WWOX: variants seen among roughly 807,000 people sequenced by gnomAD.
WWOX encodes the protein WW domain containing oxidoreductase.
In WWOX, 69 loss-of-function variants were observed where a neutral mutation model predicts 46.2. The observed-to-expected ratio is 1.49, with a 90% confidence interval of 1.23 to 1.82. The LOEUF (loss-of-function observed/expected upper bound fraction) is 1.82, where lower values mean the gene tolerates loss of function less well. Among genes scored for constraint, WWOX ranks in the 40% most tolerant of loss-of-function variants. WWOX has a pLI of 0.00. For synonymous variants in WWOX, 359 were observed against 202.6 expected (o/e 1.77, Z -6.56); for missense variants, 919 against 542.6 (o/e 1.69, Z -6.89).
chr16:78,597,380 C>A (rs761396647), intron 8 of WWOX, among the ~76,000 whole-genome samples: 3 of 152,210 alleles, frequency 2.0e-5, no homozygotes, highest in Non-Finnish European at 4.4e-5. Context: ...TCTACGGTGG[C>A]TCTTTACCCA....
At chr16:78,502,267 A>G (rs1274277520) in intron 8 of WWOX, among the ~76,000 whole-genome samples, 1 of 152,214 alleles carries the variant, frequency 6.6e-6, no homozygotes, top group Non-Finnish European at 1.5e-5. Flanking sequence ...CAGAGTTTGC[A>G]TCCACCATCA....
intron 8 of WWOX, among the ~76,000 whole-genome samples, chr16:78,747,803 G>C (rs982823935): frequency 6.6e-6 from 1 of 152,160 alleles, no homozygotes; most frequent in African/African-American, 2.4e-5. Context: ...CAACATACCA[G>C]AGTTTAGTCC....
chr16:78,906,775 C>T (rs2044976301), intron 8 of WWOX, among the ~76,000 whole-genome samples: 1 of 152,188 alleles, frequency 6.6e-6, no homozygotes, highest in Admixed American at 6.5e-5. Flanking sequence ...GATCATGTGA[C>T]AAGGTCTTCT....
At chr16:79,088,235 G>T (rs1014324536) in intron 8 of WWOX, among the ~76,000 whole-genome samples, 1 of 152,166 alleles carries the variant, frequency 6.6e-6, no homozygotes, top group Non-Finnish European at 1.5e-5. Context: ...GCCTAGACTT[G>T]GATCCCTAAG....
At chr16:78,493,648 C>A (rs1318914519) in intron 8 of WWOX, among the ~76,000 whole-genome samples, 1 of 152,066 alleles carries the variant, frequency 6.6e-6, no homozygotes, top group Non-Finnish European at 1.5e-5. Context: ...ACTTGCTATG[C>A]ACTTATATGT....
At chr16:78,927,286 C>A (rs12918324) in intron 8 of WWOX, among the ~76,000 whole-genome samples, 1 of 152,116 alleles carries the variant, frequency 6.6e-6, no homozygotes, top group Non-Finnish European at 1.5e-5. Context: ...TGACACCGGC[C>A]TCCAGCAGAG....
intron 6 of WWOX, among the ~76,000 whole-genome samples, chr16:78,387,340 G>A (rs1419185070): frequency 2.0e-5 from 3 of 152,108 alleles, no homozygotes; most frequent in African/African-American, 4.8e-5. Context: ...TGGCAGGGAG[G>A]TTGACAATCC....
intron 8 of WWOX, among the ~76,000 whole-genome samples, chr16:78,856,871 C>T (rs2052579110): frequency 6.6e-6 from 1 of 152,168 alleles, no homozygotes; most frequent in Non-Finnish European, 1.5e-5. Flanking sequence ...GTGCCACCAT[C>T]ATAGAGTATA....
At chr16:78,462,299 G>T (rs1027893599) in intron 8 of WWOX, among the ~76,000 whole-genome samples, 1 of 151,494 alleles carries the variant, frequency 6.6e-6, no homozygotes, top group Non-Finnish European at 1.5e-5. Flanking sequence ...CAAAGTCTGT[G>T]ATTGATCTTT....
At chr16:78,591,397 G>T (rs2151602794) in intron 8 of WWOX, among the ~76,000 whole-genome samples, 1 of 152,238 alleles carries the variant, frequency 6.6e-6, no homozygotes, top group African/African-American at 2.4e-5. Flanking sequence ...TAACAGCCCA[G>T]TACACAACTG....
At chr16:78,461,861 A>G (rs1373654967) in intron 8 of WWOX, among the ~76,000 whole-genome samples, 2 of 152,210 alleles carry the variant, frequency 1.3e-5, no homozygotes, top group African/African-American at 4.8e-5. Context: ...ACATTCATGC[A>G]ATACCAACTG....
At chr16:79,112,989 C>T (rs1291115303) in intron 8 of WWOX, among the ~76,000 whole-genome samples, 1 of 152,200 alleles carries the variant, frequency 6.6e-6, no homozygotes, top group Non-Finnish European at 1.5e-5. Flanking sequence ...TGCTCATCTT[C>T]ATGATCTAGC....
At chr16:79,163,428 C>A (rs576868569) in intron 8 of WWOX, among the ~76,000 whole-genome samples, 2 of 152,244 alleles carry the variant, frequency 1.3e-5, no homozygotes, top group East Asian at 1.9e-4. Flanking sequence ...TTACTCTGAG[C>A]TCTATAAGAG....
intron 8 of WWOX, among the ~76,000 whole-genome samples, chr16:78,888,917 C>G (rs998301164): frequency 2.6e-5 from 4 of 151,840 alleles, no homozygotes; most frequent in African/African-American, 9.7e-5. Context: ...GTGGCAATTT[C>G]AAGCTTCTCC....
intron 8 of WWOX, among the ~76,000 whole-genome samples, chr16:78,644,005 G>T (rs955158723): frequency 2.2e-4 from 34 of 152,030 alleles, no homozygotes; most frequent in African/African-American, 5.8e-4. Flanking sequence ...GGCAGATCAC[G>T]TGAGGTCAGG....
chr16:79,153,351 G>C (rs139189901), intron 8 of WWOX, among the ~76,000 whole-genome samples: 2 of 152,132 alleles, frequency 1.3e-5, no homozygotes, highest in Non-Finnish European at 2.9e-5. Context: ...CGCCCTTTCA[G>C]TGCGAAGGAA....
chr16:79,017,258 A>T (rs561758508), intron 8 of WWOX: 4 of 151,150 alleles, frequency 2.6e-5, no homozygotes, highest in Admixed American at 6.6e-5. Context: ...GTGAAACCCC[A>T]TATCTCCTAA....
At chr16:78,875,150 A>G (rs538439638) in intron 8 of WWOX, among the ~76,000 whole-genome samples, 1 of 152,278 alleles carries the variant, frequency 6.6e-6, no homozygotes, top group African/African-American at 2.4e-5. Context: ...ATGGGTTTGA[A>G]TTCAGGAATG....
At chr16:78,332,574 G>T (rs1018808348) in intron 5 of WWOX, among the ~76,000 whole-genome samples, 3 of 152,188 alleles carry the variant, frequency 2.0e-5, no homozygotes, top group African/African-American at 7.2e-5. Flanking sequence ...TCCACCCCAA[G>T]TATTTATATA....
Sources: gnomAD v4.1 joint callset for allele counts (sites outside exome capture counted in the v4.1 genomes callset) on GRCh38, gnomAD v4.1.1 for gene constraint, MANE v1.5 for transcripts, NCBI Gene and HGNC (gene_info 2026-07-23, HGNC 2026-07-21) for gene names.